The following SETD2 variants were observed in gnomAD, a reference collection of about 807,000 sequenced individuals.
The protein encoded by SETD2 is histone-lysine N-methyltransferase SETD2.
In SETD2, 31 loss-of-function variants were observed where a neutral mutation model predicts 242.1. That is an observed-to-expected ratio of 0.13 (90% confidence interval 0.10 to 0.17). The LOEUF (loss-of-function observed/expected upper bound fraction) is 0.17, where lower values mean the gene tolerates loss of function less well. Ranked by LOEUF, SETD2 falls within the 10% of genes least tolerant of loss-of-function variation. SETD2 has a pLI of 1.00. For missense variants in SETD2, 2,481 were observed against 3,046.3 expected, an observed-to-expected ratio of 0.81 and a Z score of 4.37; for synonymous variants, 1,006 against 1,066.5, an observed-to-expected ratio of 0.94 and a Z score of 1.11.
intron 1 of SETD2, among the ~76,000 whole-genome samples, chr3:47,150,672 T>TA (rs1210347842): frequency 1.3e-5 from 2 of 152,070 alleles, no homozygotes; most frequent in African/African-American, 4.8e-5. Flanking sequence ...GTCCTAATCT[T>TA]ATAGTTATTT....
At chr3:47,056,099 TTTATTTATTTATTTA>T (rs2040067040) in intron 15 of SETD2, among the ~76,000 whole-genome samples, 10 of 41,964 alleles carry the variant, frequency 2.4e-4, no homozygotes, top group Non-Finnish European at 3.4e-4. Flanking sequence ...ATGATTTTTA[TTTATTTATTTATTTA>T]TTTATTTATT....
At chr3:47,059,246 A>G (rs2040228048) in intron 14 of SETD2, among the ~76,000 whole-genome samples, 1 of 149,382 alleles carries the variant, frequency 6.7e-6, no homozygotes, top group African/African-American at 2.5e-5. Flanking sequence ...TCTCCCCAGT[A>G]ACTGGGATTA....
At position 47,120,361 on chromosome 3, in the gene SETD2, C is replaced by T. The variant is rs761043204; in HGVS notation, c.4275G>A (p.Lys1425=). ...SESDGELQDR[K]KVRVEVEQGE... is the part of the protein sequence containing the mutation. ...CCTGCTCTACCTCCACTCTAACTTT[C>T]TTTCTGTCCTGAAGCTCACCATCAC... Residue 1425 remains lysine, a synonymous_variant, in exon 3 of 21, where the codon AAG becomes AAA. Transcript: ENST00000409792. The T allele has an allele frequency of 1.2e-6, 2 of 1,613,208 alleles. No individual in the cohort carries two copies. Among genetic ancestry groups the T allele is most frequent in the Non-Finnish European group, 8.5e-7 (1 of 1,179,710 alleles).
At chr3:47,024,475 TAAAC>T (rs2038379993) in intron 18 of SETD2, among the ~76,000 whole-genome samples, 1 of 144,422 alleles carries the variant, frequency 6.9e-6, no homozygotes, top group Admixed American at 6.9e-5. Flanking sequence ...CCGTCTCAAA[TAAAC>T]AAATAAACAA....
At chr3:47,066,229 T>C (rs1032485346) in intron 13 of SETD2, among the ~76,000 whole-genome samples, 1 of 152,248 alleles carries the variant, frequency 6.6e-6, no homozygotes, top group Non-Finnish European at 1.5e-5. Flanking sequence ...AGTTACATAA[T>C]ACACATAACA....
chr3:47,034,321 A>G (rs1575664618), intron 18 of SETD2, among the ~76,000 whole-genome samples: 1 of 152,312 alleles, frequency 6.6e-6, no homozygotes, highest in South Asian at 2.1e-4. Context: ...TTTTCTCTTT[A>G]TAATCTCCCG....
chr3:47,070,187 C>A (rs2040759997), intron 12 of SETD2, among the ~76,000 whole-genome samples: 1 of 152,188 alleles, frequency 6.6e-6, no homozygotes, highest in Non-Finnish European at 1.5e-5. Flanking sequence ...AGAAACGCTT[C>A]TCAAAGATAA....
rs34240660 is a variant in SETD2, at chr3:47,127,993, T to TCA, written c.72-1332_72-1331dup. On this transcript the variant is annotated intron_variant, in intron 1 of 20. Coordinates refer to ENST00000409792, the MANE Select transcript of SETD2 (RefSeq NM_014159.7). The stretch of plus-strand genomic sequence containing the variant: ...CTGAGTGAAAACCTGTCTCTCTCTC[T>TCA]CACACACACACACACACACACAAAA... Among the ~76,000 whole-genome samples the TCA allele has an allele frequency of 2.5e-3, 382 of 150,568 alleles. 2 individuals carry two copies. Among genetic ancestry groups the TCA allele is most frequent in the Middle Eastern group, 0.021 (6 of 288 alleles).
chr3:47,121,630 A>T lies in SETD2; in HGVS notation c.3006T>A (p.Ser1002=), dbSNP rs2106656190. The change falls in exon 3 of 21, where the codon TCT becomes TCA. Residue 1002 remains serine, a synonymous_variant. Coordinates refer to ENST00000409792, the MANE Select transcript of SETD2 (RefSeq NM_014159.7). ...TSDDSEVVFS[S]CDLNLTMEDS... ...CTTCCATGGTTAAATTCAAATCACA[A>T]GAAGAAAATACAACTTCTGAGTCAT... The T allele has an allele frequency of 6.2e-7, 1 of 1,614,162 alleles. No individual in the cohort carries two copies. The highest frequency in any genetic ancestry group is 1.6e-4 in the Middle Eastern group (1 of 6,062).
intron 1 of SETD2, among the ~76,000 whole-genome samples, chr3:47,158,230 T>C (rs2044170251): frequency 6.6e-6 from 1 of 152,248 alleles, no homozygotes; most frequent in Non-Finnish European, 1.5e-5. Context: ...GTCATATTGC[T>C]TAGTATGTGC....
At chr3:47,023,510 C>G (rs1427173637) in intron 18 of SETD2, among the ~76,000 whole-genome samples, 1 of 152,156 alleles carries the variant, frequency 6.6e-6, no homozygotes, top group African/African-American at 2.4e-5. Context: ...GCTGAGCCAT[C>G]ATAAACACTA....
chr3:47,066,927 C>A, intron 13 of SETD2, 143 bp downstream of exon 13: 1 of 629,928 alleles, frequency 1.6e-6, no homozygotes, highest in Non-Finnish European at 2.7e-6. Context: ...AGTTTCCAAA[C>A]TTTTACACCA....
At chr3:47,045,576 T>G (rs1178290280) in intron 16 of SETD2, among the ~76,000 whole-genome samples, 3 of 145,020 alleles carry the variant, frequency 2.1e-5, no homozygotes, top group Non-Finnish European at 4.5e-5. Context: ...TGCACACCTG[T>G]AGTCCCAGCT....
intron 1 of SETD2, among the ~76,000 whole-genome samples, chr3:47,148,730 T>C (rs6809110): frequency 0.068 from 10,396 of 152,226 alleles, 1,185 homozygotes; most frequent in African/African-American, 0.23. Flanking sequence ...AAAAACTTTA[T>C]AGACATCCAA....
chr3:47,077,148 A>C lies in SETD2; in HGVS notation c.6060+6572T>G, dbSNP rs542721045. On this transcript the variant is annotated intron_variant, in intron 12 of 20. Coordinates refer to ENST00000409792, the MANE Select transcript of SETD2 (RefSeq NM_014159.7). Reference sequence around the variant, plus strand: ...CACCCAGGCTGGAGTGCAATGGTGCAATCTCAGCTCACTGCAACCTCTACC... The same window carrying C: ...CACCCAGGCTGGAGTGCAATGGTGCCATCTCAGCTCACTGCAACCTCTACC... Among the ~76,000 whole-genome samples, 10 of 152,252 alleles carry C rather than the reference A, an allele frequency of 6.6e-5. No homozygotes were observed. In the South Asian group the frequency reaches 2.1e-3, roughly 32 times the overall value.
chr3:47,112,350 C>T (rs964552420), intron 5 of SETD2, among the ~76,000 whole-genome samples: 1 of 152,106 alleles, frequency 6.6e-6, no homozygotes, highest in African/African-American at 2.4e-5. Context: ...GGCGCAATCT[C>T]GGCTCACTGC....
At chr3:47,089,600 G>C (rs761733716) in intron 9 of SETD2, among the ~76,000 whole-genome samples, 1 of 152,090 alleles carries the variant, frequency 6.6e-6, no homozygotes, top group Non-Finnish European at 1.5e-5. Context: ...TAAATAACGG[G>C]GGGTGGGAAT....
At chr3:47,081,497 G>A (rs888938799) in intron 12 of SETD2, among the ~76,000 whole-genome samples, 1 of 152,162 alleles carries the variant, frequency 6.6e-6, no homozygotes, top group Non-Finnish European at 1.5e-5. Context: ...ATGTCTACTC[G>A]AACACATAGG....
At chr3:47,147,676 C>T (rs922270685) in intron 1 of SETD2, among the ~76,000 whole-genome samples, 4 of 151,540 alleles carry the variant, frequency 2.6e-5, no homozygotes, top group Non-Finnish European at 4.4e-5. Context: ...GTAATCCCAG[C>T]ACTTTGGGAG....
Sources: allele counts gnomAD v4.1 joint callset (sites outside exome capture counted in the v4.1 genomes callset), GRCh38; gene constraint gnomAD v4.1.1; transcripts MANE v1.5; gene names NCBI Gene and HGNC (gene_info 2026-07-23, HGNC 2026-07-21).